Variants in ARHGEF10L observed in about 807,000 individuals in gnomAD.
ARHGEF10L encodes Rho guanine nucleotide exchange factor 10 like.
Under a neutral mutation model 141.2 loss-of-function variants are expected in ARHGEF10L, and 69 were observed. The observed-to-expected ratio is 0.49, with a 90% confidence interval of 0.40 to 0.60. ARHGEF10L has a LOEUF of 0.60. ARHGEF10L is among the 20% of genes least tolerant of loss of function. The pLI is 0.00. For synonymous variants in ARHGEF10L, 711 were observed against 718.5 expected (o/e 0.99, Z 0.17); for missense variants, 1,482 against 1,734.3 (o/e 0.85, Z 2.58).
intron 26 of ARHGEF10L, among the ~76,000 whole-genome samples, chr1:17,679,328 G>A (rs191257216): frequency 6.6e-6 from 1 of 152,350 alleles, no homozygotes; most frequent in African/African-American, 2.4e-5. Context: ...CAGACTCTGA[G>A]GGCAGGAGTG....
chr1:17,518,759 A>G, the ARHGEF10L span, among the ~76,000 whole-genome samples: 1 of 133,504 alleles, frequency 7.5e-6, no homozygotes, highest in East Asian at 2.3e-4. Context: ...TCCAAGTGGA[A>G]CCCACTGCAT....
At chr1:17,596,733 G>T (rs1235977261) in intron 4 of ARHGEF10L, among the ~76,000 whole-genome samples, 1 of 152,134 alleles carries the variant, frequency 6.6e-6, no homozygotes, top group Non-Finnish European at 1.5e-5. Flanking sequence ...CTGGAGTGGG[G>T]CTTCTTATCT....
chr1:17,559,027 G>A (rs971199347), intron 1 of ARHGEF10L, among the ~76,000 whole-genome samples: 1 of 152,202 alleles, frequency 6.6e-6, no homozygotes, highest in African/African-American at 2.4e-5. Flanking sequence ...GCCTCAGTTG[G>A]GGTGTGGGGG....
chr1:17,665,296 C>T lies in ARHGEF10L; in HGVS notation c.3009+701C>T, dbSNP rs552754247. Among the ~76,000 whole-genome samples the T allele has an allele frequency of 9.2e-5, 14 of 152,364 alleles. No individual in the cohort carries two copies. The East Asian group carries it at 1.2e-3, about 13-fold the overall frequency. On this transcript the variant is annotated intron_variant, in intron 26 of 28. Transcript: ENST00000361221. The stretch of plus-strand genomic sequence containing the variant: ...TCCCTCATGAGGGGCAGTCTTCATT[C>T]GCCTGCCTAGTTCTCTCTCATGCAG...
chr1:17,570,536 C>T (rs1027157607), intron 1 of ARHGEF10L, among the ~76,000 whole-genome samples: 1 of 146,786 alleles, frequency 6.8e-6, no homozygotes, highest in Non-Finnish European at 1.5e-5. Context: ...GACATGAAGT[C>T]GGGGGGGTTG....
intron 1 of ARHGEF10L, among the ~76,000 whole-genome samples, chr1:17,543,307 G>A (rs1362507830): frequency 6.6e-6 from 1 of 152,182 alleles, no homozygotes; most frequent in African/African-American, 2.4e-5. Context: ...CTGAGGCCAG[G>A]AGCGATGGCT....
rs560955658 is a variant in ARHGEF10L at position 17,627,685 on chromosome 1, T to G, written c.1584+182T>G. Reference sequence around the variant, plus strand: ...TCAGCGGGACCCCCACGTTCATTCCTGTTCATGTTATTTTAAGATAAAAGT... The same window carrying G: ...TCAGCGGGACCCCCACGTTCATTCCGGTTCATGTTATTTTAAGATAAAAGT... On this transcript the variant is annotated intron_variant, in intron 15 of 28. Coordinates refer to ENST00000361221, the MANE Select transcript of ARHGEF10L (RefSeq NM_018125.4). This position sits in a 1 kb window ranked among gnomAD's most constrained non-coding sequence, Gnocchi z 4.0. Among the ~76,000 whole-genome samples, 139 of 152,336 alleles carry G rather than the reference T, an allele frequency of 9.1e-4. 2 individuals carry two copies. Among genetic ancestry groups the G allele is most frequent in the Admixed American group, 3.3e-3 (51 of 15,304 alleles).
At chr1:17,584,836 C>T (rs926058349) in intron 2 of ARHGEF10L, among the ~76,000 whole-genome samples, 12 of 151,608 alleles carry the variant, frequency 7.9e-5, no homozygotes, top group African/African-American at 2.2e-4. Context: ...GAAGATTCTA[C>T]GCACATGTGC....
rs753073107 is a variant in ARHGEF10L at position 17,623,174 on chromosome 1, C to T, written c.1199C>T (p.Ser400Leu). Reference sequence around the variant, plus strand: ...AAGATCGGGGACCTCTTCGTGGCCTCGGTAAGTGTCCCCAAACTTTTTCCC... The same window carrying T: ...AAGATCGGGGACCTCTTCGTGGCCTTGGTAAGTGTCCCCAAACTTTTTCCC... ...TEKIGDLFVA[S>L]FSKSMVLDVY... The change falls in exon 12 of 29, where the codon TCG becomes TTG. Residue 400 changes from serine (S) to leucine (L), a missense_variant and splice_region_variant. Ser to Leu is a moderately radical substitution (Grantham distance 145, BLOSUM62 -2). Around this residue, in one of 3 missense-constraint regions of ARHGEF10L, gnomAD observed 392 missense variants for 542.1 expected, o/e 0.72. Transcript: ENST00000361221. The surrounding 1 kb of genome is among the most constrained non-coding windows in gnomAD (Gnocchi z 4.7). 17 of 1,611,012 alleles carry T rather than the reference C, an allele frequency of 1.1e-5. No individual in the cohort carries two copies. Among genetic ancestry groups the T allele is most frequent in the Admixed American group, 8.5e-5 (5 of 59,156 alleles).
chr1:17,657,412 T>A (rs2062336678), intron 25 of ARHGEF10L, among the ~76,000 whole-genome samples: 1 of 152,166 alleles, frequency 6.6e-6, no homozygotes, highest in Non-Finnish European at 1.5e-5. Context: ...GTGGTCCCCA[T>A]CCTCTGGGCT....
chr1:17,697,620 G>C lies in ARHGEF10L; in HGVS notation c.*240G>C. The C allele has an allele frequency of 1.5e-6, 1 of 664,056 alleles. No homozygotes were observed. The highest frequency in any genetic ancestry group is 1.5e-5 in the South Asian group (1 of 65,922). 41.1% of individuals were successfully genotyped at this position (664,056 alleles called of 1,614,324 possible). On this transcript the variant is annotated 3_prime_UTR_variant, in exon 29 of 29. Transcript: ENST00000361221. The surrounding 1 kb of genome is among the most constrained non-coding windows in gnomAD (Gnocchi z 4.8). ...GGAGGAAATGGCCTTCTTTTTAAAA[G>C]CAAAAAACACAAAACCTCACAACTG...
chr1:17,640,053 T>C, intron 20 of ARHGEF10L, 149 bp from the exon 21 acceptor site: 1 of 1,475,428 alleles, frequency 6.8e-7, no homozygotes, highest in Non-Finnish European at 9.0e-7. Flanking sequence ...GCCAAGCCAC[T>C]GACCTCTTTG....
chr1:17,618,546 T>C, intron 9 of ARHGEF10L: 1 of 1,362,860 alleles, frequency 7.3e-7, no homozygotes, highest in South Asian at 1.7e-5. Context: ...GGGGTGTCTC[T>C]ACCCCCTCCC....
chr1:17,529,714 C>G, the ARHGEF10L span, among the ~76,000 whole-genome samples: 2 of 151,758 alleles, frequency 1.3e-5, no homozygotes. Flanking sequence ...TGGAGGATGA[C>G]AGGAGGCAGC....
intron 17 of ARHGEF10L, 37 bp from the exon 18 acceptor site, chr1:17,634,798 C>T (rs1486295533): frequency 3.2e-6 from 5 of 1,570,404 alleles, no homozygotes; most frequent in Non-Finnish European, 4.3e-6. Context: ...AGGGTGGCTG[C>T]AGCCTCTCCA....
chr1:17,584,480 T>G (rs1043311788), intron 2 of ARHGEF10L, among the ~76,000 whole-genome samples: 8 of 152,150 alleles, frequency 5.3e-5, no homozygotes, highest in Non-Finnish European at 1.2e-4. Flanking sequence ...CAAAAATACC[T>G]GCCCTCGTGA....
chr1:17,571,793 C>G (rs2078012921), intron 1 of ARHGEF10L, among the ~76,000 whole-genome samples: 1 of 152,178 alleles, frequency 6.6e-6, no homozygotes, highest in South Asian at 2.1e-4. Context: ...CTTGGCCTCC[C>G]AAAGTGCTGG....
At chr1:17,618,362 C>G in intron 9 of ARHGEF10L, 1 of 1,540,446 alleles carries the variant, frequency 6.5e-7, no homozygotes, top group Non-Finnish European at 8.8e-7. Context: ...GAATGTTACC[C>G]AGCAGCTCGT....
At chr1:17,670,409 G>T (rs1001512560) in intron 26 of ARHGEF10L, among the ~76,000 whole-genome samples, 7 of 152,254 alleles carry the variant, frequency 4.6e-5, no homozygotes, top group African/African-American at 1.7e-4. Flanking sequence ...CGTCCTCCGC[G>T]TTCATGATCT....
Sources: allele counts gnomAD v4.1 joint callset (sites outside exome capture counted in the v4.1 genomes callset), GRCh38; gene constraint gnomAD v4.1.1; regional missense constraint gnomAD v4.1.1; non-coding constraint Gnocchi (gnomAD v3.1); transcripts MANE v1.5; gene names NCBI Gene and HGNC (gene_info 2026-07-23, HGNC 2026-07-21).